The following RANBP2 variants were observed in gnomAD, a reference collection of about 807,000 sequenced individuals.
The protein encoded by RANBP2 is RAN binding protein 2, also known as E3 SUMO-protein ligase RanBP2.
RANBP2 carries 57 observed loss-of-function variants against 303.6 expected under a neutral mutation model. The ratio of observed to expected loss-of-function variants is 0.19; its 90% confidence interval spans 0.15 to 0.23. The LOEUF (loss-of-function observed/expected upper bound fraction) is 0.23, where lower values mean the gene tolerates loss of function less well. Ranked by LOEUF, RANBP2 falls within the 10% of genes least tolerant of loss-of-function variation. RANBP2 has a pLI of 1.00. For synonymous variants in RANBP2, 1,167 were observed against 1,301.5 expected, an observed-to-expected ratio of 0.90 and a Z score of 2.23; for missense variants, 3,138 against 3,780.8, an observed-to-expected ratio of 0.83 and a Z score of 4.46.
At chr2:108,962,964 G>A in the RANBP2 span, among the ~76,000 whole-genome samples, 2 of 152,206 alleles carry the variant, frequency 1.3e-5, no homozygotes, top group Non-Finnish European at 2.9e-5. Flanking sequence ...GCCAAGGACA[G>A]GAGGGCTCAC....
At chr2:109,410,007 C>A in the RANBP2 span, among the ~76,000 whole-genome samples, 5 of 152,208 alleles carry the variant, frequency 3.3e-5, no homozygotes, top group African/African-American at 1.2e-4. Context: ...GACTCGGAGC[C>A]CCCGTACAGC....
At chr2:109,042,316 T>C in the RANBP2 span, among the ~76,000 whole-genome samples, 1 of 152,240 alleles carries the variant, frequency 6.6e-6, no homozygotes, top group Non-Finnish European at 1.5e-5. Context: ...TGTTTTAAGA[T>C]ATTTATGTTT....
chr2:109,327,679 A>T, the RANBP2 span, among the ~76,000 whole-genome samples: 1 of 152,256 alleles, frequency 6.6e-6, no homozygotes, highest in Admixed American at 6.5e-5. Flanking sequence ...TCCTCCATAA[A>T]GGAAATGTAC....
chr2:108,828,522 A>G, the RANBP2 span, among the ~76,000 whole-genome samples: 1 of 152,244 alleles, frequency 6.6e-6, no homozygotes, highest in Non-Finnish European at 1.5e-5. Context: ...AATGGGATAG[A>G]ATGGAGAGCC....
chr2:108,736,319 C>T, intron 6 of RANBP2, 70 bp downstream of exon 6: 2 of 1,610,408 alleles, frequency 1.2e-6, no homozygotes, highest in African/African-American at 1.3e-5. Flanking sequence ...GTTCATTGCT[C>T]TAAACTTCTT....
Position 108,764,728 on chromosome 2 carries a change from C to A in RANBP2, c.4189C>A (p.Pro1397Thr). 1.2e-6 allele frequency: 2 copies of A among 1,613,944 alleles called. No individual in the cohort carries two copies. Among genetic ancestry groups the A allele is most frequent in the Non-Finnish European group, 1.7e-6 (2 of 1,179,956 alleles). ...GPPLAETVFT[P>T]KTSPENVQDR... ...ACCATTAGCTGAAACTGTTTTTACT[C>A]CTAAAACCAGCCCAGAGAATGTTCA... is the stretch of plus-strand genomic sequence containing the variant. The change falls in exon 20 of 29, where the codon CCT becomes ACT. Residue 1397 changes from proline (P) to threonine (T), a missense_variant. Physicochemically the swap from Pro to Thr is conservative, Grantham distance 38. Coordinates refer to ENST00000283195, the MANE Select transcript of RANBP2 (RefSeq NM_006267.5).
chr2:109,127,649 A>G, the RANBP2 span: 2 of 152,218 alleles, frequency 1.3e-5, no homozygotes, highest in African/African-American at 2.4e-5. Flanking sequence ...GTTTGAGACT[A>G]GCCTGGGCAA....
the RANBP2 span, among the ~76,000 whole-genome samples, chr2:109,137,193 G>T: frequency 7.2e-5 from 11 of 152,222 alleles, no homozygotes; most frequent in African/African-American, 2.7e-4. Context: ...AGTGGTATTG[G>T]TGTGATTTGG....
chr2:109,542,046 C>T, the RANBP2 span, among the ~76,000 whole-genome samples: 1 of 152,120 alleles, frequency 6.6e-6, no homozygotes, highest in African/African-American at 2.4e-5. Context: ...GAGTACGTAC[C>T]AGGATTAACG....
the RANBP2 span, among the ~76,000 whole-genome samples, chr2:109,522,551 C>A: frequency 2.2e-4 from 33 of 152,144 alleles, no homozygotes; most frequent in African/African-American, 7.7e-4. Context: ...CCTGCCTTGG[C>A]CTCCCAAAGT....
the RANBP2 span, among the ~76,000 whole-genome samples, chr2:109,304,234 A>G: frequency 6.6e-6 from 1 of 152,202 alleles, no homozygotes; most frequent in Non-Finnish European, 1.5e-5. Flanking sequence ...ATAGTCTTGG[A>G]CCAACACCTC....
At chr2:109,524,583 C>T in the RANBP2 span, among the ~76,000 whole-genome samples, 1 of 151,780 alleles carries the variant, frequency 6.6e-6, no homozygotes, top group Non-Finnish European at 1.5e-5. Flanking sequence ...ATGGTGAAAC[C>T]CTGTCTCTAC....
At chr2:109,239,853 G>T in the RANBP2 span, among the ~76,000 whole-genome samples, 3 of 152,306 alleles carry the variant, frequency 2.0e-5, no homozygotes, top group East Asian at 3.9e-4. Context: ...CAGAATTTCC[G>T]ACCGTCTCCT....
chr2:109,549,038 G>C, the RANBP2 span, among the ~76,000 whole-genome samples: 5 of 152,170 alleles, frequency 3.3e-5, no homozygotes, highest in Middle Eastern at 3.2e-3. Flanking sequence ...TTTCAGAGAA[G>C]CATCAGTTCC....
the RANBP2 span, among the ~76,000 whole-genome samples, chr2:109,620,681 A>G: frequency 3.3e-5 from 5 of 152,130 alleles, no homozygotes; most frequent in Non-Finnish European, 5.9e-5. Context: ...CAGCCTGGGC[A>G]TCACAGCGAC....
chr2:109,065,646 C>T, the RANBP2 span, among the ~76,000 whole-genome samples: 4 of 152,234 alleles, frequency 2.6e-5, no homozygotes, highest in Admixed American at 6.5e-5. Context: ...GTTTAAAGAT[C>T]GTGATGCTCT....
At chr2:109,649,554 C>T in the RANBP2 span, among the ~76,000 whole-genome samples, 1 of 152,164 alleles carries the variant, frequency 6.6e-6, no homozygotes, top group East Asian at 1.9e-4. Context: ...TTCACCACCA[C>T]ACCCGGCTAA....
chr2:108,748,294 AC>A (rs1558897290), intron 8 of RANBP2, among the ~76,000 whole-genome samples: 1 of 142,706 alleles, frequency 7.0e-6, no homozygotes, highest in Admixed American at 7.2e-5. Context: ...TGCAAGCTCC[AC>A]CTCCTGGGTT....
chr2:109,130,899 G>A, the RANBP2 span, among the ~76,000 whole-genome samples: 22 of 152,118 alleles, frequency 1.4e-4, no homozygotes, highest in African/African-American at 4.8e-4. Flanking sequence ...ACACACCCTT[G>A]CCACCTTGTG....
Sources: allele counts gnomAD v4.1 joint callset (sites outside exome capture counted in the v4.1 genomes callset), GRCh38; gene constraint gnomAD v4.1.1; transcripts MANE v1.5; gene names NCBI Gene and HGNC (gene_info 2026-07-23, HGNC 2026-07-21).